LRP1B: variants seen among roughly 807,000 people sequenced by gnomAD.
The protein encoded by LRP1B is LDL receptor related protein 1B.
Under a neutral mutation model 556.6 loss-of-function variants are expected in LRP1B, and 217 were observed. The ratio of observed to expected loss-of-function variants is 0.39; its 90% CI spans 0.35 to 0.44. The LOEUF (loss-of-function observed/expected upper bound fraction) is 0.44. LRP1B is among the 20% of genes least tolerant of loss of function. The pLI, the probability that LRP1B is intolerant of heterozygous loss-of-function variation, is 1.00. For synonymous variants in LRP1B, 2,047 were observed against 1,865.8 expected (o/e 1.10, Z -2.50); for missense variants, 5,053 against 5,620.8 (o/e 0.90, Z 3.23).
intron 1 of LRP1B, among the ~76,000 whole-genome samples, chr2:142,014,013 C>T (rs1703038310): frequency 6.6e-6 from 1 of 152,124 alleles, no homozygotes; most frequent in Non-Finnish European, 1.5e-5. Flanking sequence ...TTGATTCTTG[C>T]AATATATAGT....
At chr2:141,433,997 G>C (rs62167993) in intron 3 of LRP1B, among the ~76,000 whole-genome samples, 3,175 of 151,230 alleles carry the variant, frequency 0.021, 68 homozygotes, top group East Asian at 0.092. Context: ...TACTTGATGA[G>C]TTGTTTCCAC....
At chr2:140,990,166 G>A (rs1259412420) in intron 16 of LRP1B, among the ~76,000 whole-genome samples, 1 of 151,386 alleles carries the variant, frequency 6.6e-6, no homozygotes, top group African/African-American at 2.4e-5. Context: ...GAGATTGATC[G>A]CTGTGGACAA....
At chr2:141,703,331 A>G (rs1286711073) in intron 2 of LRP1B, among the ~76,000 whole-genome samples, 1 of 151,958 alleles carries the variant, frequency 6.6e-6, no homozygotes, top group Admixed American at 6.6e-5. Context: ...GTGATAAAGC[A>G]TAATTACCTG....
chr2:140,361,379 T>TATATATAA (rs1190166439), intron 72 of LRP1B, among the ~76,000 whole-genome samples: 2 of 130,576 alleles, frequency 1.5e-5, no homozygotes, highest in Admixed American at 7.8e-5. Flanking sequence ...TATATATATA[T>TATATATAA]AACAAAAATA....
intron 1 of LRP1B, among the ~76,000 whole-genome samples, chr2:142,072,050 G>A (rs2104912960): frequency 6.6e-6 from 1 of 151,988 alleles, no homozygotes; most frequent in Admixed American, 6.6e-5. Context: ...GCCCGAATAA[G>A]TACTGACAAC....
chr2:141,049,089 G>A lies in LRP1B; in HGVS notation c.1686C>T (p.Asp562=). 6.2e-7 allele frequency: 1 copy of A among 1,613,664 alleles called. No homozygotes were observed. The highest frequency in any genetic ancestry group is 8.5e-7 in the Non-Finnish European group (1 of 1,179,728). ...AGATGTAATTGGTTTCTGCGTGAAA[G>A]TCTAAAGCACGAGGGTTTACCAGAT... ...IENLVNPRAL[D]FHAETNYIYF... The change falls in exon 11 of 91, where the codon GAC becomes GAT. Residue 562 remains aspartate (D), a synonymous_variant. Transcript: ENST00000389484.
intron 3 of LRP1B, among the ~76,000 whole-genome samples, chr2:141,324,506 A>G (rs1181016611): frequency 6.6e-6 from 1 of 152,118 alleles, no homozygotes. Flanking sequence ...AATATCAGTT[A>G]TATCAAGGAT....
intron 2 of LRP1B, among the ~76,000 whole-genome samples, chr2:141,807,736 C>T (rs969867360): frequency 6.6e-6 from 1 of 152,072 alleles, no homozygotes; most frequent in Non-Finnish European, 1.5e-5. Context: ...CCTTTTTACA[C>T]AAATTCAAGG....
chr2:141,105,166 C>T (rs982167563), intron 7 of LRP1B, among the ~76,000 whole-genome samples: 2 of 152,028 alleles, frequency 1.3e-5, no homozygotes, highest in East Asian at 3.9e-4. Flanking sequence ...TGAAGACAAT[C>T]AGTTTTTGTA....
chr2:140,660,885 T>A (rs964995771), intron 41 of LRP1B, among the ~76,000 whole-genome samples: 12 of 145,048 alleles, frequency 8.3e-5, no homozygotes, highest in Admixed American at 2.1e-4. Context: ...TTTTTTTTTT[T>A]AAACTCTCAT....
At chr2:141,269,666 C>G (rs939577068) in intron 3 of LRP1B, among the ~76,000 whole-genome samples, 1 of 151,926 alleles carries the variant, frequency 6.6e-6, no homozygotes, top group Non-Finnish European at 1.5e-5. Flanking sequence ...AAAAATAAAC[C>G]CCACTGTGGA....
intron 3 of LRP1B, among the ~76,000 whole-genome samples, chr2:141,340,366 T>G (rs775222317): frequency 4.6e-5 from 7 of 152,206 alleles, no homozygotes; most frequent in Non-Finnish European, 8.8e-5. Context: ...AGCATACAAT[T>G]TCCTTGCTTT....
chr2:140,716,014 G>A lies in LRP1B; in HGVS notation c.5982C>T (p.Gly1994=), dbSNP rs1687197012. The change falls in exon 37 of 91, where the codon GGC becomes GGT. Residue 1994 remains glycine (G), a synonymous_variant. Coordinates refer to ENST00000389484, the MANE Select transcript of LRP1B (RefSeq NM_018557.3). ...GSFRYVIISQ[G]LDQPRSIAVH... The stretch of plus-strand genomic sequence containing the variant: ...CAGCTATAGATCTTGGTTGATCCAG[G>A]CCTTGGGAAATAATTACATAACGGA... 3.1e-6 allele frequency: 5 copies of A among 1,610,510 alleles called. No homozygotes were observed. The East Asian group carries it at 8.9e-5, about 29-fold the overall frequency.
At chr2:140,911,696 A>T (rs923037434) in intron 21 of LRP1B, among the ~76,000 whole-genome samples, 6 of 151,794 alleles carry the variant, frequency 4.0e-5, no homozygotes, top group African/African-American at 1.4e-4. Flanking sequence ...TTAAGCATTA[A>T]ATTGTATGAA....
chr2:141,275,909 C>CATATATAT (rs35525716), intron 3 of LRP1B, among the ~76,000 whole-genome samples: 53 of 150,036 alleles, frequency 3.5e-4, no homozygotes, highest in Middle Eastern at 3.5e-3. Context: ...ATGTAATGTA[C>CATATATAT]ATATATATAT....
intron 7 of LRP1B, among the ~76,000 whole-genome samples, chr2:141,096,711 CAGGAACAAGATTA>C (rs1280714662): frequency 1.7e-5 from 2 of 115,480 alleles, no homozygotes; most frequent in African/African-American, 6.5e-5. Flanking sequence ...AATACATCTT[CAGGAACAAGATTA>C]GTTGTATGGT....
chr2:140,536,304 G>A (rs1272704918), intron 46 of LRP1B, among the ~76,000 whole-genome samples: 2 of 84,286 alleles, frequency 2.4e-5, no homozygotes, highest in East Asian at 3.6e-4. Context: ...ATGAGACCCC[G>A]TCTCTTTAAA....
intron 2 of LRP1B, among the ~76,000 whole-genome samples, chr2:141,606,084 T>C (rs1687909728): frequency 1.3e-5 from 2 of 152,344 alleles, no homozygotes; most frequent in Middle Eastern, 6.8e-3. Flanking sequence ...AGACAAGAGA[T>C]GCTTTTCTCA....
Position 140,982,190 on chromosome 2 carries a change from C to T in LRP1B, c.2857G>A (p.Gly953Ser), listed in dbSNP as rs1324321771. ...AWLCDREDDCGDQTDEMASCE... is the reference protein window; with the variant it reads ...AWLCDREDDCSDQTDEMASCE... Reference sequence around the variant, plus strand: ...GATGCCATTTCATCTGTCTGGTCACCACAGTCGTCTTCCCTGTCACACAGC... The same window carrying T: ...GATGCCATTTCATCTGTCTGGTCACTACAGTCGTCTTCCCTGTCACACAGC... The change falls in exon 18 of 91, where the codon GGT (glycine) becomes AGT (serine). Residue 953 changes from glycine (G) to serine (S), a missense_variant. By Grantham distance (56) the Gly-to-Ser change is moderately conservative. Transcript: ENST00000389484. 3 of 1,613,310 alleles carry T rather than the reference C, an allele frequency of 1.9e-6. No individual in the cohort carries two copies. The Admixed American group carries it at 5.0e-5, about 27-fold the overall frequency.
Sources: gnomAD v4.1 joint callset for allele counts (sites outside exome capture counted in the v4.1 genomes callset) on GRCh38, gnomAD v4.1.1 for gene constraint, MANE v1.5 for transcripts, NCBI Gene and HGNC (gene_info 2026-07-23, HGNC 2026-07-21) for gene names.